PHTF2: variants seen among roughly 807,000 people sequenced by gnomAD.
PHTF2 encodes the protein protein PHTF2.
PHTF2 carries 60 observed loss-of-function variants against 101.2 expected under a neutral mutation model. That is an observed-to-expected ratio of 0.59 (90% CI 0.48 to 0.73). The LOEUF is 0.73. Among genes scored for constraint, PHTF2 ranks in the 30% least tolerant of loss-of-function variants. The pLI, the probability that PHTF2 is intolerant of heterozygous loss-of-function variation, is 0.00. For synonymous variants in PHTF2, 311 were observed against 307.3 expected, an observed-to-expected ratio of 1.01 and a Z score of -0.13; for missense variants, 747 against 908.7, an observed-to-expected ratio of 0.82 and a Z score of 2.29.
At chr7:77,889,793 G>A (rs1211028856) in intron 3 of PHTF2, among the ~76,000 whole-genome samples, 1 of 151,804 alleles carries the variant, frequency 6.6e-6, no homozygotes, top group Admixed American at 6.6e-5. Flanking sequence ...TAGAGACAGG[G>A]TTTCACTGTG....
intron 13 of PHTF2, among the ~76,000 whole-genome samples, chr7:77,939,567 G>T (rs1449343707): frequency 1.4e-5 from 2 of 140,898 alleles, no homozygotes; most frequent in Non-Finnish European, 3.0e-5. Context: ...TCCAGCCTGG[G>T]CAATAGAGTG....
At chr7:77,865,471 C>T (rs906648009) in intron 3 of PHTF2, among the ~76,000 whole-genome samples, 2 of 152,144 alleles carry the variant, frequency 1.3e-5, no homozygotes, top group African/African-American at 4.8e-5. Flanking sequence ...ATGTTCCACC[C>T]AGCGCAGCCT....
intron 9 of PHTF2, among the ~76,000 whole-genome samples, chr7:77,919,317 T>G (rs1370810221): frequency 6.6e-6 from 1 of 152,164 alleles, no homozygotes; most frequent in East Asian, 1.9e-4. Context: ...TAAAAAACTT[T>G]TGGTTTTTGA....
At chr7:77,859,415 A>G (rs1410809894) in intron 3 of PHTF2, among the ~76,000 whole-genome samples, 2 of 152,164 alleles carry the variant, frequency 1.3e-5, no homozygotes, top group Non-Finnish European at 2.9e-5. Flanking sequence ...AGAACTGAGT[A>G]AGAGAAGGTC....
chr7:77,924,140 A>G, intron 11 of PHTF2: 1 of 957,648 alleles, frequency 1.0e-6, no homozygotes, highest in Non-Finnish European at 1.2e-6. Flanking sequence ...TTCTAAAAAA[A>G]AGCAAAATAA....
chr7:77,917,544 A>G (rs1241860857), intron 9 of PHTF2, among the ~76,000 whole-genome samples: 14 of 152,154 alleles, frequency 9.2e-5, no homozygotes, highest in Non-Finnish European at 1.0e-4. Context: ...GGTTCATTCT[A>G]TCTCTTCTTT....
exon 20 of PHTF2, chr7:77,955,056 T>A: frequency 2.7e-6 from 1 of 365,444 alleles, no homozygotes; most frequent in East Asian, 4.1e-5. Flanking sequence ...TTTTTTACAT[T>A]TATTTTAGTC....
At chr7:77,854,693 CAA>C (rs1308967269) in intron 2 of PHTF2, 1 of 701,650 alleles carries the variant, frequency 1.4e-6, no homozygotes, top group East Asian at 2.7e-5. Context: ...AGCCACAAGA[CAA>C]AGTTTTTTGC....
At chr7:77,884,210 A>C (rs1799632974) in intron 3 of PHTF2, among the ~76,000 whole-genome samples, 1 of 152,192 alleles carries the variant, frequency 6.6e-6, no homozygotes, top group Non-Finnish European at 1.5e-5. Flanking sequence ...GTTTTCTCTG[A>C]GAATTTGTCT....
intron 1 of PHTF2, among the ~76,000 whole-genome samples, chr7:77,803,212 C>T (rs1792698211): frequency 6.6e-6 from 1 of 151,986 alleles, no homozygotes; most frequent in Non-Finnish European, 1.5e-5. Flanking sequence ...TGATAATAAT[C>T]ATAACATGAT....
At position 77,922,705 on chromosome 7, in the gene PHTF2, A is replaced by G. The variant is rs372691512; in HGVS notation, c.1046A>G (p.His349Arg). The G allele has an allele frequency of 3.0e-5, 48 of 1,609,964 alleles. No homozygotes were observed. The African/African-American group carries it at 5.5e-4, about 18-fold the overall frequency. Residue 349 changes from histidine to arginine, a missense_variant, in exon 11 of 20, where the codon CAT becomes CGT. Around this residue, in one of 6 missense-constraint regions of PHTF2, gnomAD observed 349 missense variants for 369.7 expected, o/e 0.94. Transcript: ENST00000416283. ...GAAACAGGATACTCATTACGTCGTCATGTGGACAGGACTTCTGAAGGTGTT... is the reference window on the plus strand; with the variant it reads ...GAAACAGGATACTCATTACGTCGTCGTGTGGACAGGACTTCTGAAGGTGTT...
rs1796929408 is a variant in PHTF2 at position 77,853,497 on chromosome 7, A to C, written c.46-1236A>C. Among the ~76,000 whole-genome samples, 4 of 151,708 alleles carry C rather than the reference A, an allele frequency of 2.6e-5. No individual in the cohort carries two copies. The South Asian group carries it at 8.3e-4, about 32-fold the overall frequency. ...CAGCCTCTGCCTCCTTGGTTCAAGC[A>C]ATTCTCGTGCCTCAGCCTCTTGAGT... is the stretch of plus-strand genomic sequence containing the variant. On this transcript the variant is annotated intron_variant, in intron 2 of 19. Coordinates refer to ENST00000416283, the Ensembl canonical transcript of PHTF2.
chr7:77,883,187 A>T (rs114541090), intron 3 of PHTF2, among the ~76,000 whole-genome samples: 27 of 152,234 alleles, frequency 1.8e-4, no homozygotes, highest in African/African-American at 6.5e-4. Flanking sequence ...TTGATATCCA[A>T]AGGATTGAGA....
At chr7:77,883,311 G>A (rs1174599047) in intron 3 of PHTF2, among the ~76,000 whole-genome samples, 1 of 152,090 alleles carries the variant, frequency 6.6e-6, no homozygotes. Flanking sequence ...AAGTGGCCCA[G>A]ATGTCTCTTA....
chr7:77,802,340 A>G (rs758837589), intron 1 of PHTF2, among the ~76,000 whole-genome samples: 1 of 152,212 alleles, frequency 6.6e-6, no homozygotes, highest in East Asian at 1.9e-4. Flanking sequence ...TTTGTCCATT[A>G]TTACATGTTT....
At chr7:77,923,367 T>G in intron 11 of PHTF2, 1 of 971,740 alleles carries the variant, frequency 1.0e-6, no homozygotes, top group Non-Finnish European at 1.2e-6. Flanking sequence ...TAAATTACAC[T>G]GTTTATCACT....
intron 1 of PHTF2, among the ~76,000 whole-genome samples, chr7:77,804,717 C>T (rs1584340015): frequency 6.6e-6 from 1 of 152,326 alleles, no homozygotes; most frequent in East Asian, 1.9e-4. Flanking sequence ...TCAATCACTT[C>T]ATCTGGTCCT....
At chr7:77,810,417 T>A (rs1457023907) in intron 1 of PHTF2, among the ~76,000 whole-genome samples, 1 of 152,242 alleles carries the variant, frequency 6.6e-6, no homozygotes, top group Non-Finnish European at 1.5e-5. Context: ...GATCACATTC[T>A]GTGTTTAGTT....
intron 1 of PHTF2, among the ~76,000 whole-genome samples, chr7:77,828,958 G>A (rs1163294845): frequency 6.6e-6 from 1 of 152,146 alleles, no homozygotes; most frequent in Non-Finnish European, 1.5e-5. Flanking sequence ...AAGATTGCTT[G>A]AAGTCAGGAG....
Sources: gnomAD v4.1 joint callset for allele counts (sites outside exome capture counted in the v4.1 genomes callset) on GRCh38, gnomAD v4.1.1 for gene constraint, gnomAD v4.1.1 regional missense constraint, MANE v1.5 for transcripts, NCBI Gene and HGNC (gene_info 2026-07-23, HGNC 2026-07-21) for gene names.